BARX2: variants seen among roughly 807,000 people sequenced by gnomAD.
The protein encoded by BARX2 is BARX homeobox 2.
BARX2 carries 11 observed loss-of-function variants against 25.5 expected under a neutral mutation model. The ratio of observed to expected loss-of-function variants is 0.43; its 90% CI spans 0.27 to 0.71. The LOEUF is 0.71. Ranked by LOEUF, BARX2 falls within the 30% of genes least tolerant of loss-of-function variation. The probability of loss-of-function intolerance (pLI) is 0.19; values close to 1 mark genes in which losing one functional copy is unlikely to be tolerated. For synonymous variants in BARX2, 137 were observed against 149.5 expected, an observed-to-expected ratio of 0.92 and a Z score of 0.61; for missense variants, 360 against 359.9, an observed-to-expected ratio of 1.00 and a Z score of 0.00.
intron 1 of BARX2, among the ~76,000 whole-genome samples, chr11:129,384,873 A>G (rs535811692): frequency 6.6e-6 from 1 of 152,238 alleles, no homozygotes; most frequent in Non-Finnish European, 1.5e-5. Context: ...GATCAGCTTC[A>G]AAATATCCCT....
chr11:129,413,453 A>G (rs1468609604), intron 1 of BARX2, among the ~76,000 whole-genome samples: 4 of 152,124 alleles, frequency 2.6e-5, no homozygotes, highest in African/African-American at 4.8e-5. Context: ...CTGAGTAGAT[A>G]TTTGGTTGGA....
intron 2 of BARX2, chr11:129,437,612 G>A: frequency 1.1e-5 from 8 of 708,178 alleles, no homozygotes; most frequent in Non-Finnish European, 1.4e-5. Flanking sequence ...CTGGCTGAGA[G>A]CCCCTTCTTT....
chr11:129,399,283 T>A (rs568553536), intron 1 of BARX2, among the ~76,000 whole-genome samples: 4 of 152,330 alleles, frequency 2.6e-5, no homozygotes, highest in South Asian at 2.1e-4. Flanking sequence ...CAAAGTGGGA[T>A]GACAAGTCGT....
At position 129,376,137 on chromosome 11, in the gene BARX2, G is replaced by A; in HGVS notation, c.102G>A (p.Glu34=). The A allele has an allele frequency of 1.2e-6, 2 of 1,613,736 alleles. No individual in the cohort carries two copies. The highest frequency in any genetic ancestry group is 1.7e-6 in the Non-Finnish European group (2 of 1,179,824). ...TFMIDEILSK[E]TCDYFEKLSL... is the part of the protein sequence containing the mutation. The stretch of plus-strand genomic sequence containing the variant: ...TGATCGACGAGATCCTCTCCAAGGA[G>A]ACCTGCGATTACTTTGAGAAACTTT... Residue 34 remains glutamate, a synonymous_variant, in exon 1 of 4, where the codon GAG becomes GAA. Transcript: ENST00000281437. The surrounding 1 kb of genome is among the most constrained non-coding windows in gnomAD (Gnocchi z 4.2).
chr11:129,404,842 C>G (rs752462231), intron 1 of BARX2, among the ~76,000 whole-genome samples: 1 of 152,168 alleles, frequency 6.6e-6, no homozygotes, highest in Non-Finnish European at 1.5e-5. Flanking sequence ...TTGAATGGAG[C>G]ACTCTCTCAG....
Position 129,419,793 on chromosome 11 carries a change from G to A in BARX2, c.188-16958G>A, listed in dbSNP as rs567773813. ...TGGCAATATTATTATTATTATTCTT[G>A]TTTTTGAGATGGAGTCTCACTCTGT... On this transcript the variant is annotated intron_variant, in intron 1 of 3. Transcript: ENST00000281437. Among the ~76,000 whole-genome samples the A allele has an allele frequency of 3.9e-5, 6 of 152,004 alleles. 1 individual carries two copies. In the South Asian group the frequency reaches 1.2e-3, roughly 32 times the overall value.
intron 1 of BARX2, among the ~76,000 whole-genome samples, chr11:129,402,616 G>A (rs1206275433): frequency 6.6e-6 from 1 of 152,182 alleles, no homozygotes; most frequent in Non-Finnish European, 1.5e-5. Context: ...TGCTGTTAAT[G>A]AAATTTAATG....
At chr11:129,434,711 A>G (rs2135410762) in intron 1 of BARX2, among the ~76,000 whole-genome samples, 1 of 152,216 alleles carries the variant, frequency 6.6e-6, no homozygotes, top group East Asian at 1.9e-4. Context: ...AAATCTTTGT[A>G]CGCATAGACC....
chr11:129,427,184 A>T (rs1862073511), intron 1 of BARX2, among the ~76,000 whole-genome samples: 3 of 152,218 alleles, frequency 2.0e-5, no homozygotes, highest in Non-Finnish European at 4.4e-5. Flanking sequence ...CTTCACATAC[A>T]TTAATGCCGT....
intron 1 of BARX2, among the ~76,000 whole-genome samples, chr11:129,401,717 A>G (rs1247440012): frequency 6.6e-6 from 1 of 152,182 alleles, no homozygotes. Context: ...GCACTTTGGG[A>G]GGCTGAGGCG....
chr11:129,398,615 C>T (rs1403243548), intron 1 of BARX2, among the ~76,000 whole-genome samples: 1 of 152,174 alleles, frequency 6.6e-6, no homozygotes, highest in African/African-American at 2.4e-5. Flanking sequence ...GGAATAGTTG[C>T]AACAGGTGAA....
intron 1 of BARX2, among the ~76,000 whole-genome samples, chr11:129,421,352 C>T (rs900601871): frequency 3.9e-5 from 6 of 152,170 alleles, no homozygotes; most frequent in African/African-American, 1.4e-4. Context: ...GGGAGAGGAA[C>T]TCTCATTCTA....
At position 129,376,166 on chromosome 11, in the gene BARX2, T is replaced by A. The variant is rs747360722; in HGVS notation, c.131T>A (p.Leu44His). The A allele has an allele frequency of 1.3e-5, 21 of 1,613,468 alleles. No individual in the cohort carries two copies. The highest frequency in any genetic ancestry group is 1.2e-5 in the Non-Finnish European group (14 of 1,179,790). ...ETCDYFEKLS[L>H]YSVCPSLVVR... ...TGCGATTACTTTGAGAAACTTTCCCTCTACTCCGTGTGCCCGTCGCTGGTC... is the reference window on the plus strand; with the variant it reads ...TGCGATTACTTTGAGAAACTTTCCCACTACTCCGTGTGCCCGTCGCTGGTC... Residue 44 changes from leucine to histidine, a missense_variant, in exon 1 of 4, where the codon CTC becomes CAC. Leu to His is a moderately conservative substitution (Grantham distance 99). This residue lies in a region of BARX2 where 240 missense variants were observed against 228.7 expected (regional missense o/e 1.05). Transcript: ENST00000281437. This position sits in a 1 kb window ranked among gnomAD's most constrained non-coding sequence, Gnocchi z 4.2.
At chr11:129,391,562 G>A (rs916454413) in intron 1 of BARX2, among the ~76,000 whole-genome samples, 1 of 152,090 alleles carries the variant, frequency 6.6e-6, no homozygotes, top group South Asian at 2.1e-4. Context: ...GTCATTCCAG[G>A]GCACAAAAAT....
At chr11:129,447,507 C>T (rs1862345380) in intron 3 of BARX2, among the ~76,000 whole-genome samples, 1 of 152,140 alleles carries the variant, frequency 6.6e-6, no homozygotes, top group South Asian at 2.1e-4. Context: ...TGTGAATGGG[C>T]AGCTCCTGAT....
intron 1 of BARX2, among the ~76,000 whole-genome samples, chr11:129,428,716 C>G (rs1217021478): frequency 6.6e-6 from 1 of 152,252 alleles, no homozygotes; most frequent in Admixed American, 6.5e-5. Context: ...CCAGCCGTGC[C>G]TGTTCTTCTG....
intron 1 of BARX2, among the ~76,000 whole-genome samples, chr11:129,430,026 A>T (rs931821338): frequency 6.6e-6 from 1 of 151,456 alleles, no homozygotes; most frequent in Non-Finnish European, 1.5e-5. Flanking sequence ...CCCCCCATAC[A>T]TTGTGTTCCC....
At chr11:129,429,007 G>GTTTT (rs57076671) in intron 1 of BARX2, among the ~76,000 whole-genome samples, 2 of 130,648 alleles carry the variant, frequency 1.5e-5, no homozygotes, top group Non-Finnish European at 3.4e-5. Flanking sequence ...TAGAAGTTGT[G>GTTTT]TTTTTTTTTT....
chr11:129,428,064 G>A (rs1250527526), intron 1 of BARX2, among the ~76,000 whole-genome samples: 2 of 152,216 alleles, frequency 1.3e-5, no homozygotes, highest in Non-Finnish European at 1.5e-5. Flanking sequence ...GCACAGTTAT[G>A]TGATCTCCAT....
Sources: gnomAD v4.1 joint callset for allele counts (sites outside exome capture counted in the v4.1 genomes callset) on GRCh38, gnomAD v4.1.1 for gene constraint, gnomAD v4.1.1 regional missense constraint, Gnocchi (gnomAD v3.1) non-coding constraint, MANE v1.5 for transcripts, NCBI Gene and HGNC (gene_info 2026-07-23, HGNC 2026-07-21) for gene names.